ARL10: variants seen among roughly 807,000 people sequenced by gnomAD.
ARL10 encodes the protein ARF like GTPase 10, also known as ADP-ribosylation factor-like protein 10.
Under a neutral mutation model 26.1 loss-of-function variants are expected in ARL10, and 23 were observed. The observed-to-expected ratio is 0.88, with a 90% confidence interval of 0.63 to 1.25. The LOEUF is 1.25. ARL10 is among the 50% of genes most tolerant of loss of function. The probability of loss-of-function intolerance (pLI) is 0.00; values close to 1 mark genes in which losing one functional copy is unlikely to be tolerated. For missense variants in ARL10, 300 were observed against 323.6 expected (o/e 0.93, Z 0.56); for synonymous variants, 138 against 149.1 (o/e 0.93, Z 0.54).
At chr5:176,398,487 A>G (rs1756660824) in intron 1 of ARL10, among the ~76,000 whole-genome samples, 1 of 152,088 alleles carries the variant, frequency 6.6e-6, no homozygotes, top group Non-Finnish European at 1.5e-5. Context: ...CGAGGCGGCA[A>G]ATCACCTGAG....
chr5:176,400,595 G>A lies in ARL10; in HGVS notation c.134-1146G>A, dbSNP rs530600042. 3.0e-4 allele frequency among the ~76,000 whole-genome samples: 46 copies of A among 152,238 alleles called. No homozygotes were observed. In the South Asian group the frequency reaches 3.5e-3, roughly 12 times the overall value. ...TTCCAATCCAGGTCCAGCCACACCC[G>A]CTCTGGCACCCACGCCCTCCGCATT... On this transcript the variant is annotated intron_variant, in intron 1 of 1. Coordinates refer to the ARL10 transcript ENST00000514533.
chr5:176,366,759 C>T (rs940168095), intron 2 of ARL10, among the ~76,000 whole-genome samples, 178 bp downstream of exon 2: 1 of 152,166 alleles, frequency 6.6e-6, no homozygotes, highest in African/African-American at 2.4e-5. Flanking sequence ...ACATTTAGGG[C>T]CCTTCGTGAT....
the ARL10 span, chr5:176,410,288 A>C: frequency 6.2e-7 from 1 of 1,613,982 alleles, no homozygotes; most frequent in East Asian, 2.2e-5. Context: ...TGTGGTCCCC[A>C]TGTCCTCAGA....
chr5:176,406,185 T>C (rs1024571047), downstream of ARL10: 2 of 993,476 alleles, frequency 2.0e-6, no homozygotes, highest in Non-Finnish European at 2.4e-6. Flanking sequence ...AGATCAGTCA[T>C]GGCCAGGAGG....
chr5:176,389,386 C>T (rs562899866), downstream of ARL10: 1 of 1,614,160 alleles, frequency 6.2e-7, no homozygotes, highest in East Asian at 2.2e-5. Flanking sequence ...TCCACCGGGG[C>T]AACAGCCAGC....
downstream of ARL10, among the ~76,000 whole-genome samples, chr5:176,390,899 A>C (rs2113612299): frequency 6.6e-6 from 1 of 152,214 alleles, no homozygotes; most frequent in South Asian, 2.1e-4. Context: ...ACCTGAGCAC[A>C]CTCTAGAAGA....
Position 176,373,115 on chromosome 5 carries a change from C to CA in ARL10, c.*1220_*1221insA. On this transcript the variant is annotated 3_prime_UTR_variant, in exon 4 of 4. Coordinates refer to ENST00000310389, the MANE Select transcript of ARL10 (RefSeq NM_173664.6). ...AAGAAATGACTCTGGGAGAGGATTT[C>CA]CCTTATGTGAATCTAGGTAAAAAGA... The CA allele has an allele frequency of 2.5e-6, 1 of 398,468 alleles. No individual in the cohort carries two copies. Among genetic ancestry groups the CA allele is most frequent in the Non-Finnish European group, 4.4e-6 (1 of 226,034 alleles). The allele number at this position is 398,468 out of a possible 1,614,324, so 24.7% of individuals were successfully genotyped here.
chr5:176,410,637 C>A, the ARL10 span, among the ~76,000 whole-genome samples: 1 of 152,204 alleles, frequency 6.6e-6, no homozygotes, highest in Non-Finnish European at 1.5e-5. Flanking sequence ...CCTGAAATCA[C>A]TGACCCCTGG....
rs1357157229 is a variant in ARL10, at chr5:176,376,528, T to C, written c.*4633T>C. On this transcript the variant is annotated 3_prime_UTR_variant, in exon 4 of 4. Transcript: ENST00000310389. ...AGTTTCTTGCTAGAGCATTAGCCTT[T>C]GCTAAAGCCGGCCCCAGATTATGGT... 1.3e-5 allele frequency: 2 copies of C among 152,354 alleles called. No homozygotes were observed. Among genetic ancestry groups the C allele is most frequent in the Middle Eastern group, 3.4e-3 (1 of 294 alleles). The allele number at this position is 152,354 out of a possible 1,614,324, so 9.4% of individuals were successfully genotyped here.
downstream of ARL10, chr5:176,392,876 G>C: frequency 6.2e-7 from 1 of 1,614,166 alleles, no homozygotes; most frequent in Non-Finnish European, 8.5e-7. This position sits in a 1 kb window ranked among gnomAD's most constrained non-coding sequence, Gnocchi z 5.2. Flanking sequence ...CACATAGCTG[G>C]GCCACCTTCT....
At chr5:176,367,103 G>C (rs561696208) in intron 2 of ARL10, among the ~76,000 whole-genome samples, 2 of 151,044 alleles carry the variant, frequency 1.3e-5, no homozygotes, top group East Asian at 1.9e-4. Flanking sequence ...CTCCTCCCGG[G>C]TTCAAGCGAT....
intron 1 of ARL10, chr5:176,388,144 A>T: frequency 1.1e-6 from 1 of 936,658 alleles, no homozygotes; most frequent in South Asian, 1.5e-5. Flanking sequence ...GCCTGAGGGA[A>T]GGAATGGGCA....
intron 3 of ARL10, among the ~76,000 whole-genome samples, chr5:176,370,528 G>C (rs1768498489): frequency 1.3e-5 from 2 of 152,238 alleles, no homozygotes; most frequent in Non-Finnish European, 2.9e-5. Flanking sequence ...GGAAACATTT[G>C]ACAATTATTT....
chr5:176,395,513 G>A (rs1194604811), intron 1 of ARL10, among the ~76,000 whole-genome samples: 9 of 152,184 alleles, frequency 5.9e-5, no homozygotes, highest in African/African-American at 1.7e-4. Context: ...GACACATGAC[G>A]GGCTGCCAGG....
chr5:176,388,153 C>T (rs1314983016), intron 1 of ARL10: 2 of 1,026,852 alleles, frequency 1.9e-6, no homozygotes, highest in South Asian at 1.4e-5. Flanking sequence ...AAGGAATGGG[C>T]AGTACCACGT....
chr5:176,414,918 A>T, the ARL10 span, among the ~76,000 whole-genome samples: 1 of 152,362 alleles, frequency 6.6e-6, no homozygotes, highest in African/African-American at 2.4e-5. Context: ...GTAAACGTTG[A>T]ATGGATACAA....
At chr5:176,399,517 G>A (rs1230026777) in intron 1 of ARL10, among the ~76,000 whole-genome samples, 1 of 152,206 alleles carries the variant, frequency 6.6e-6, no homozygotes, top group African/African-American at 2.4e-5. Flanking sequence ...CAAGGCAGGA[G>A]GATCACTTGA....
At chr5:176,385,912 A>G (rs1236677616), downstream of ARL10, 1 of 152,600 alleles carries the variant, frequency 6.6e-6, no homozygotes, top group Non-Finnish European at 1.5e-5. Context: ...TCATCTAGAA[A>G]GAGAGAGAAA....
chr5:176,398,590 T>C (rs950627665), intron 1 of ARL10, among the ~76,000 whole-genome samples: 6 of 151,748 alleles, frequency 4.0e-5, no homozygotes, highest in African/African-American at 1.5e-4. Flanking sequence ...TGCATGCCTG[T>C]AATCCCAGCT....
Sources: gnomAD v4.1 joint callset for allele counts (sites outside exome capture counted in the v4.1 genomes callset) on GRCh38, gnomAD v4.1.1 for gene constraint, Gnocchi (gnomAD v3.1) non-coding constraint, MANE v1.5 for transcripts, NCBI Gene and HGNC (gene_info 2026-07-23, HGNC 2026-07-21) for gene names.